TRPM5: variants seen among roughly 807,000 people sequenced by gnomAD.
TRPM5 encodes MLSN1 and TRP-related.
Under a neutral mutation model 124.9 loss-of-function variants are expected in TRPM5, and 121 were observed. That is an observed-to-expected ratio of 0.97 (90% CI 0.84 to 1.13). The LOEUF is 1.13. TRPM5 is among the 50% of genes most tolerant of loss of function. The probability of loss-of-function intolerance (pLI) is 0.00; values close to 1 mark genes in which losing one functional copy is unlikely to be tolerated. For synonymous variants in TRPM5, 781 were observed against 700.5 expected (o/e 1.11, Z -1.81); for missense variants, 1,643 against 1,589.1 (o/e 1.03, Z -0.58).
intron 2 of TRPM5, among the ~76,000 whole-genome samples, chr11:2,421,756 C>T (rs1381564201): frequency 6.6e-6 from 1 of 152,210 alleles, no homozygotes; most frequent in East Asian, 1.9e-4. Context: ...ACCCTGTATA[C>T]ACCCGGGTGC....
the TRPM5 span, among the ~76,000 whole-genome samples, chr11:2,434,411 A>G: frequency 7.4e-6 from 1 of 134,256 alleles, no homozygotes; most frequent in African/African-American, 2.9e-5. Context: ...GTGTGTGTGT[A>G]GGTGCACTGT....
chr11:2,416,119 C>T (rs1289086520), intron 7 of TRPM5, 95 bp from the exon 13 acceptor site: 14 of 848,588 alleles, frequency 1.6e-5, no homozygotes, highest in South Asian at 6.8e-5. Context: ...CCTAGAGACG[C>T]GGAAACGGGA....
intron 5 of TRPM5, 21 bp downstream of exon 10, chr11:2,418,506 G>A (rs1413288235): frequency 2.5e-6 from 4 of 1,605,702 alleles, no homozygotes; most frequent in Admixed American, 1.7e-5. Context: ...GCCAGCCAGG[G>A]GGCCTCAGCC....
chr11:2,437,252 G>A, the TRPM5 span, among the ~76,000 whole-genome samples: 4 of 152,226 alleles, frequency 2.6e-5, no homozygotes, highest in African/African-American at 4.8e-5. The surrounding 1 kb of genome is among the most constrained non-coding windows in gnomAD (Gnocchi z 5.6). Flanking sequence ...CCAGCTTGTC[G>A]TCTTGGAAGA....
exon 6 of TRPM5, chr11:2,418,343 C>G: frequency 1.3e-6 from 2 of 1,557,622 alleles, no homozygotes; most frequent in Non-Finnish European, 1.7e-6. Context: ...GCCTGCTCCA[C>G]GGCCCTGGAG....
At chr11:2,414,244 G>A (rs777366415) in intron 11 of TRPM5, 38 bp from the exon 17 acceptor site, 5 of 1,587,588 alleles carry the variant, frequency 3.1e-6, no homozygotes, top group East Asian at 2.3e-5. Flanking sequence ...ACGAGACGCC[G>A]ATGCCCGGCC....
intron 23 of TRPM5, 122 bp from the exon 29 acceptor site, chr11:2,405,165 G>A (rs1173070528): frequency 4.0e-6 from 3 of 756,878 alleles, no homozygotes; most frequent in Non-Finnish European, 6.5e-6. Flanking sequence ...AGTCCCCACA[G>A]GCCAGCCTGG....
chr11:2,424,579 G>A (rs1347767815), upstream of TRPM5, among the ~76,000 whole-genome samples: 1 of 152,240 alleles, frequency 6.6e-6, no homozygotes, highest in African/African-American at 2.4e-5. Flanking sequence ...CAGACGCGCA[G>A]GGAAAAACAC....
the TRPM5 span, among the ~76,000 whole-genome samples, chr11:2,434,534 T>C: frequency 6.7e-6 from 1 of 149,710 alleles, no homozygotes; most frequent in African/African-American, 2.5e-5. Context: ...GAGAATGCTG[T>C]GTATGAGTGT....
At chr11:2,410,661 C>T (rs761548593) in intron 18 of TRPM5, 17 of 453,108 alleles carry the variant, frequency 3.8e-5, no homozygotes, top group Admixed American at 1.2e-4. Context: ...CTCTGACCCC[C>T]GCCCCCTCCC....
intron 3 of TRPM5, 26 bp downstream of exon 8, chr11:2,421,006 C>G: frequency 6.6e-7 from 1 of 1,520,730 alleles, no homozygotes; most frequent in Non-Finnish European, 8.8e-7. Flanking sequence ...CCCCAGCGGT[C>G]GTGGTGCTGG....
At chr11:2,438,717 T>C in the TRPM5 span, among the ~76,000 whole-genome samples, 10 of 152,272 alleles carry the variant, frequency 6.6e-5, no homozygotes, top group South Asian at 2.1e-4. This position sits in a 1 kb window ranked among gnomAD's most constrained non-coding sequence, Gnocchi z 5.9. Context: ...TGCTCATGGA[T>C]AGGAAGAATC....
At chr11:2,415,268 G>T (rs765011140) in exon 9 of TRPM5, 24 of 1,572,438 alleles carry the variant, frequency 1.5e-5, no homozygotes, top group Non-Finnish European at 2.1e-5. Context: ...TGCCCAGGCC[G>T]GCCAGCGTCA....
intron 7 of TRPM5, 21 bp downstream of exon 12, chr11:2,417,706 G>GGGCCCCCCCCCCC: frequency 1.8e-6 from 2 of 1,087,302 alleles, no homozygotes; most frequent in Non-Finnish European, 2.8e-6. Flanking sequence ...CGCCTGCCTT[G>GGGCCCCCCCCCCC]CCCACCCTGC....
In TRPM5 at chr11:2,407,269, C is replaced by G; in HGVS notation, c.2968G>C (p.Asp990His). 1.2e-6 allele frequency: 2 copies of G among 1,611,914 alleles called. No individual in the cohort carries two copies. Among genetic ancestry groups the G allele is most frequent in the Non-Finnish European group, 1.7e-6 (2 of 1,179,610 alleles). Residue 990 changes from aspartate to histidine, a missense_variant, in exon 20 of 24, where the codon GAC becomes CAC. By Grantham distance (81) the Asp-to-His change is moderately conservative. Transcript: ENST00000155858. ...TAGCGCTGGAACTTCCAGAACATGTCTGCGTTGCCCTGCACCACCTGGAAC... is the reference window on the plus strand; with the variant it reads ...TAGCGCTGGAACTTCCAGAACATGTGTGCGTTGCCCTGCACCACCTGGAAC...
chr11:2,414,882 C>G (rs769147348), intron 10 of TRPM5, 25 bp downstream of exon 15: 11 of 1,594,990 alleles, frequency 6.9e-6, no homozygotes, highest in African/African-American at 1.3e-5. Flanking sequence ...CCTGCCCCCG[C>G]GCTGGGCCCG....
At chr11:2,438,658 C>T in the TRPM5 span, among the ~76,000 whole-genome samples, 2 of 151,982 alleles carry the variant, frequency 1.3e-5, no homozygotes, top group African/African-American at 2.4e-5. This position sits in a 1 kb window ranked among gnomAD's most constrained non-coding sequence, Gnocchi z 5.9. Flanking sequence ...CAGAGTGAGA[C>T]CCTGTCTTAA....
intron 7 of TRPM5, among the ~76,000 whole-genome samples, chr11:2,416,935 C>T (rs760846995): frequency 6.6e-6 from 1 of 152,192 alleles, no homozygotes. Context: ...GAATGGCATA[C>T]GCTTCAACAC....
chr11:2,420,198 C>A, intron 4 of TRPM5, 24 bp downstream of exon 9: 1 of 1,569,824 alleles, frequency 6.4e-7, no homozygotes, highest in South Asian at 1.2e-5. Context: ...CAAGGCTTCC[C>A]TGGGTGGCTG....
Sources: allele counts gnomAD v4.1 joint callset (sites outside exome capture counted in the v4.1 genomes callset), GRCh38; gene constraint gnomAD v4.1.1; non-coding constraint Gnocchi (gnomAD v3.1); transcripts MANE v1.5; gene names NCBI Gene and HGNC (gene_info 2026-07-23, HGNC 2026-07-21).